CACNA1D: variants seen among roughly 807,000 people sequenced by gnomAD.
The protein encoded by CACNA1D is calcium voltage-gated channel subunit alpha1 D, also known as voltage-dependent L-type calcium channel subunit alpha-1D.
CACNA1D carries 55 observed loss-of-function variants against 257.1 expected under a neutral mutation model. The observed-to-expected ratio is 0.21, with a 90% confidence interval of 0.17 to 0.27. The LOEUF (loss-of-function observed/expected upper bound fraction) is 0.27, where lower values mean the gene tolerates loss of function less well. CACNA1D is among the 10% of genes least tolerant of loss of function. CACNA1D has a pLI of 1.00. For synonymous variants in CACNA1D, 980 were observed against 1,014.9 expected (o/e 0.97, Z 0.65); for missense variants, 1,876 against 2,784.0 (o/e 0.67, Z 7.34).
chr3:53,789,533 G>A lies in CACNA1D; in HGVS notation c.4923+2581G>A, dbSNP rs1291860255. On this transcript the variant is annotated intron_variant, in intron 40 of 47. Transcript: ENST00000350061. The surrounding 1 kb of genome is among the most constrained non-coding windows in gnomAD (Gnocchi z 4.2). ...AAAATTTGGTGGGACGGCAGTGGGAGAGATATACCACCAGTGTAACTAGGA... is the reference window on the plus strand; with the variant it reads ...AAAATTTGGTGGGACGGCAGTGGGAAAGATATACCACCAGTGTAACTAGGA... 1.3e-5 allele frequency among the ~76,000 whole-genome samples: 2 copies of A among 152,230 alleles called. No individual in the cohort carries two copies. Among genetic ancestry groups the A allele is most frequent in the Non-Finnish European group, 2.9e-5 (2 of 68,036 alleles).
chr3:53,651,388 T>TTTTTTTTTTTTTC (rs869307902), intron 4 of CACNA1D, among the ~76,000 whole-genome samples: 1 of 140,286 alleles, frequency 7.1e-6, no homozygotes, highest in Non-Finnish European at 1.5e-5. Context: ...TTTTTTTTTT[T>TTTTTTTTTTTTTC]GCTGACTTGC....
chr3:53,736,888 TAAA>T (rs569401400), intron 20 of CACNA1D, among the ~76,000 whole-genome samples: 4 of 121,518 alleles, frequency 3.3e-5, no homozygotes, highest in Non-Finnish European at 3.5e-5. Flanking sequence ...ACCCTGTCTC[TAAA>T]AAAAAAAAAA....
chr3:53,579,006 A>G (rs2093085803), intron 3 of CACNA1D, among the ~76,000 whole-genome samples: 1 of 152,144 alleles, frequency 6.6e-6, no homozygotes, highest in East Asian at 1.9e-4. Flanking sequence ...GATGGAGGGA[A>G]TTCCTCTGAC....
chr3:53,530,763 C>T (rs558280931), intron 3 of CACNA1D, among the ~76,000 whole-genome samples: 59 of 152,240 alleles, frequency 3.9e-4, no homozygotes, highest in Middle Eastern at 3.4e-3. Context: ...GTATCCTTAT[C>T]GAAAAGGTCT....
intron 3 of CACNA1D, among the ~76,000 whole-genome samples, chr3:53,532,947 A>C (rs1023110316): frequency 6.6e-6 from 1 of 152,100 alleles, no homozygotes; most frequent in Non-Finnish European, 1.5e-5. Flanking sequence ...GGTCATGAGG[A>C]GGTTTTTGTT....
At chr3:53,656,438 T>C (rs1181488766) in intron 4 of CACNA1D, among the ~76,000 whole-genome samples, 1 of 152,210 alleles carries the variant, frequency 6.6e-6, no homozygotes, top group Non-Finnish European at 1.5e-5. Context: ...TTTGTTTGTG[T>C]CATGTCTGAT....
intron 3 of CACNA1D, among the ~76,000 whole-genome samples, chr3:53,508,323 T>C (rs533677602): frequency 1.7e-3 from 256 of 152,298 alleles, no homozygotes; most frequent in African/African-American, 4.9e-3. Context: ...TCTTTTTTTT[T>C]GTTTTTAGCA....
At chr3:53,500,244 T>C (rs1325205509) in intron 2 of CACNA1D, among the ~76,000 whole-genome samples, 10 of 107,532 alleles carry the variant, frequency 9.3e-5, no homozygotes, top group Non-Finnish European at 1.3e-4. Context: ...GCAAAACCCC[T>C]GTCTCTACTA....
chr3:53,642,063 A>G (rs927094428), intron 3 of CACNA1D, among the ~76,000 whole-genome samples: 4 of 152,198 alleles, frequency 2.6e-5, no homozygotes, highest in African/African-American at 9.6e-5. Context: ...TTATAACTGA[A>G]AAGCCCAAAT....
chr3:53,662,848 A>G (rs577708485), intron 5 of CACNA1D, among the ~76,000 whole-genome samples: 5 of 152,346 alleles, frequency 3.3e-5, no homozygotes, highest in African/African-American at 1.2e-4. Context: ...CACAAAGCTT[A>G]CTGCCATGGA....
At chr3:53,664,113 C>T (rs2094235436) in intron 5 of CACNA1D, among the ~76,000 whole-genome samples, 1 of 152,190 alleles carries the variant, frequency 6.6e-6, no homozygotes, top group African/African-American at 2.4e-5. Context: ...CACATTTCAG[C>T]TTCAGGACAC....
chr3:53,628,957 G>A (rs1204252196), intron 3 of CACNA1D, among the ~76,000 whole-genome samples: 1 of 152,206 alleles, frequency 6.6e-6, no homozygotes, highest in Non-Finnish European at 1.5e-5. Context: ...AGAACTGAAA[G>A]CCAAGAGCAT....
intron 8 of CACNA1D, among the ~76,000 whole-genome samples, chr3:53,677,919 G>C (rs1262334297): frequency 6.6e-6 from 1 of 152,170 alleles, no homozygotes; most frequent in Non-Finnish European, 1.5e-5. Flanking sequence ...GCTCATCACA[G>C]TAGCAGCTTC....
At chr3:53,655,689 C>T (rs1256223122) in intron 4 of CACNA1D, among the ~76,000 whole-genome samples, 1 of 151,824 alleles carries the variant, frequency 6.6e-6, no homozygotes, top group African/African-American at 2.4e-5. Flanking sequence ...TGTTTGAGTT[C>T]CTTATAGATG....
chr3:53,504,318 A>G (rs963298884), intron 3 of CACNA1D, among the ~76,000 whole-genome samples: 9 of 152,096 alleles, frequency 5.9e-5, no homozygotes, highest in Non-Finnish European at 1.3e-4. Context: ...GGCCAGCTTT[A>G]TGTATGATGT....
At chr3:53,769,189 G>A (rs2095352427) in intron 30 of CACNA1D, among the ~76,000 whole-genome samples, 1 of 152,216 alleles carries the variant, frequency 6.6e-6, no homozygotes, top group Non-Finnish European at 1.5e-5. Context: ...GGTGGGGGTT[G>A]GGGGGCAGGT....
At chr3:53,586,734 G>A (rs1310621751) in intron 3 of CACNA1D, among the ~76,000 whole-genome samples, 1 of 152,190 alleles carries the variant, frequency 6.6e-6, no homozygotes, top group Non-Finnish European at 1.5e-5. Flanking sequence ...TTACAGATGA[G>A]CAAATTCAGA....
chr3:53,730,640 G>T, intron 16 of CACNA1D, 84 bp downstream of exon 16: 2 of 1,022,252 alleles, frequency 2.0e-6, no homozygotes, highest in Non-Finnish European at 3.0e-6. Context: ...GCTTACCCCC[G>T]CATCACGGCA....
At chr3:53,714,931 TA>T (rs1028903096) in intron 9 of CACNA1D, among the ~76,000 whole-genome samples, 9 of 150,428 alleles carry the variant, frequency 6.0e-5, no homozygotes, top group South Asian at 2.1e-4. Flanking sequence ...TTTTTAACAT[TA>T]AAAAAATGAA....
Sources: allele counts gnomAD v4.1 joint callset (sites outside exome capture counted in the v4.1 genomes callset), GRCh38; gene constraint gnomAD v4.1.1; non-coding constraint Gnocchi (gnomAD v3.1); transcripts MANE v1.5; gene names NCBI Gene and HGNC (gene_info 2026-07-23, HGNC 2026-07-21).